Variants in DLG2 observed in about 807,000 individuals in gnomAD.
DLG2 encodes the protein disks large homolog 2.
Under a neutral mutation model 132.5 loss-of-function variants are expected in DLG2, and 45 were observed. The observed-to-expected ratio is 0.34, with a 90% CI of 0.27 to 0.44. DLG2 has a LOEUF of 0.44. DLG2 is among the 20% of genes least tolerant of loss of function. The pLI, the probability that DLG2 is intolerant of heterozygous loss-of-function variation, is 1.00. For missense variants in DLG2, 1,045 were observed against 1,196.9 expected (o/e 0.87, Z 1.87); for synonymous variants, 424 against 419.6 (o/e 1.01, Z -0.13).
chr11:84,502,260 TTCCTTCCTTCCTTCCTTCC>T lies in DLG2; in HGVS notation c.519+32291_519+32309del, dbSNP rs1403658377. Among the ~76,000 whole-genome samples the T allele has an allele frequency of 4.1e-5, 2 of 49,064 alleles. 1 individual carries two copies. The highest frequency in any genetic ancestry group is 7.8e-4 in the East Asian group (2 of 2,562). 32.2% of individuals were successfully genotyped at this position (49,064 alleles called of 152,430 possible). A position where few individuals can be genotyped will look rare whatever the true frequency, so the allele number is the denominator to read the frequency against. ...CTTCCTTCCTTCCTTCCTTCCTTCCTTCCTTCCTTCCTTCCTTCCTTCTTTCTTTCTTTCTTTCTTTCTT... is the reference window on the plus strand; with the variant it reads ...CTTCCTTCCTTCCTTCCTTCCTTCCTTTCTTTCTTTCTTTCTTTCTTTCTT... On this transcript the variant is annotated intron_variant, in intron 7 of 27. Coordinates refer to ENST00000376104, the MANE Select transcript of DLG2 (RefSeq NM_001142699.3).
At chr11:84,928,982 GTATATATATA>G (rs58945482) in intron 6 of DLG2, among the ~76,000 whole-genome samples, 160 of 49,116 alleles carry the variant, frequency 3.3e-3, no homozygotes, top group South Asian at 0.015. Flanking sequence ...GTGTGTGTGT[GTATATATATA>G]TATATATATA....
chr11:84,843,217 A>G (rs576106847), intron 6 of DLG2, among the ~76,000 whole-genome samples: 1 of 151,910 alleles, frequency 6.6e-6, no homozygotes, highest in Non-Finnish European at 1.5e-5. Context: ...GTATGCATAG[A>G]TTCAAACCCT....
At chr11:83,862,397 C>T (rs1656270899) in intron 16 of DLG2, among the ~76,000 whole-genome samples, 1 of 151,964 alleles carries the variant, frequency 6.6e-6, no homozygotes, top group African/African-American at 2.4e-5. Context: ...AATAGTAAAA[C>T]AACTGAACTT....
intron 6 of DLG2, among the ~76,000 whole-genome samples, chr11:84,891,831 T>C (rs1479323768): frequency 6.6e-6 from 1 of 152,182 alleles, no homozygotes. Flanking sequence ...AATACAGACC[T>C]AAAGCAGAGC....
chr11:84,647,614 T>C (rs886442926), intron 6 of DLG2, among the ~76,000 whole-genome samples: 3 of 152,222 alleles, frequency 2.0e-5, no homozygotes, highest in African/African-American at 7.2e-5. Context: ...CACCTATAGA[T>C]AGTCAGGTAG....
At chr11:84,848,731 A>G (rs1361534009) in intron 6 of DLG2, among the ~76,000 whole-genome samples, 1 of 152,146 alleles carries the variant, frequency 6.6e-6, no homozygotes, top group Non-Finnish European at 1.5e-5. Flanking sequence ...GCTTTAATGG[A>G]TGAGACTTAA....
chr11:84,001,915 T>C (rs1013889915), intron 11 of DLG2, among the ~76,000 whole-genome samples: 14 of 151,962 alleles, frequency 9.2e-5, no homozygotes, highest in Non-Finnish European at 1.0e-4. Flanking sequence ...AAATACAACA[T>C]ACCAAAATCT....
chr11:84,175,054 C>T (rs1429293702), intron 8 of DLG2, among the ~76,000 whole-genome samples: 1 of 152,142 alleles, frequency 6.6e-6, no homozygotes, highest in Non-Finnish European at 1.5e-5. Context: ...TCCTTACTTA[C>T]TGATGGAAAG....
chr11:83,607,494 T>C (rs1380736107), intron 19 of DLG2, among the ~76,000 whole-genome samples: 2 of 152,182 alleles, frequency 1.3e-5, no homozygotes, highest in African/African-American at 4.8e-5. Context: ...CTCCCGTCCA[T>C]CCACGACAGA....
intron 3 of DLG2, among the ~76,000 whole-genome samples, chr11:85,352,869 A>C (rs1193032571): frequency 6.6e-6 from 1 of 152,226 alleles, no homozygotes; most frequent in African/African-American, 2.4e-5. Flanking sequence ...TGTTAGACCA[A>C]AAACCATAAA....
At chr11:84,729,261 C>T (rs2062864494) in intron 6 of DLG2, among the ~76,000 whole-genome samples, 1 of 152,114 alleles carries the variant, frequency 6.6e-6, no homozygotes. Flanking sequence ...TTAAATGTGT[C>T]CCAGGGATTC....
chr11:85,591,476 C>T (rs1435021076), intron 3 of DLG2, among the ~76,000 whole-genome samples: 2 of 152,184 alleles, frequency 1.3e-5, no homozygotes, highest in Non-Finnish European at 2.9e-5. Context: ...TGTGGTGGCT[C>T]ACGCCTGTAA....
intron 7 of DLG2, among the ~76,000 whole-genome samples, chr11:84,402,344 T>C (rs550472216): frequency 6.6e-6 from 1 of 152,268 alleles, no homozygotes; most frequent in East Asian, 1.9e-4. Context: ...TCAAGGTCAT[T>C]GAATGGTTAA....
intron 6 of DLG2, among the ~76,000 whole-genome samples, chr11:84,615,689 A>G (rs1180746489): frequency 6.6e-6 from 1 of 151,766 alleles, no homozygotes; most frequent in East Asian, 1.9e-4. Flanking sequence ...ATTGCTATCT[A>G]TCAAAATACC....
At chr11:85,323,804 T>G (rs1367454989) in intron 3 of DLG2, among the ~76,000 whole-genome samples, 1 of 152,244 alleles carries the variant, frequency 6.6e-6, no homozygotes, top group Non-Finnish European at 1.5e-5. Context: ...GTCCTCCAGT[T>G]AGATCCATGA....
intron 10 of DLG2, among the ~76,000 whole-genome samples, chr11:84,081,707 C>T (rs2096906605): frequency 2.0e-5 from 3 of 152,202 alleles, no homozygotes; most frequent in Admixed American, 6.5e-5. Context: ...TTTTCTTAAT[C>T]CAGTCTATCA....
intron 21 of DLG2, among the ~76,000 whole-genome samples, chr11:83,527,057 C>G (rs1288932872): frequency 6.6e-6 from 1 of 152,162 alleles, no homozygotes; most frequent in African/African-American, 2.4e-5. Context: ...TGAAGTCATT[C>G]AGCAAGACTT....
intron 6 of DLG2, among the ~76,000 whole-genome samples, chr11:84,661,397 C>T (rs139407722): frequency 1.0e-3 from 156 of 152,210 alleles, no homozygotes; most frequent in Non-Finnish European, 1.7e-3. Flanking sequence ...TGTATATCAT[C>T]GTGGGGACCC....
At chr11:83,480,359 AG>A in intron 22 of DLG2, 1 of 1,533,934 alleles carries the variant, frequency 6.5e-7, no homozygotes, top group Non-Finnish European at 8.7e-7. Context: ...CGCAAACCAA[AG>A]CAGTAACTTA....
Sources: gnomAD v4.1 joint callset for allele counts (sites outside exome capture counted in the v4.1 genomes callset) on GRCh38, gnomAD v4.1.1 for gene constraint, MANE v1.5 for transcripts, NCBI Gene and HGNC (gene_info 2026-07-23, HGNC 2026-07-21) for gene names.